The following CPOX variants were observed in gnomAD, a reference collection of about 807,000 sequenced individuals.
CPOX encodes the protein coproporphyrinogen oxidase.
Under a neutral mutation model 48.9 loss-of-function variants are expected in CPOX, and 24 were observed. The ratio of observed to expected loss-of-function variants is 0.49; its 90% CI spans 0.36 to 0.69. CPOX has a LOEUF of 0.69. CPOX is among the 30% of genes least tolerant of loss of function. The pLI is 0.00. For missense variants in CPOX, 549 were observed against 597.3 expected (o/e 0.92, Z 0.84); for synonymous variants, 249 against 234.6 (o/e 1.06, Z -0.56).
chr3:98,571,389 G>C, the CPOX span, among the ~76,000 whole-genome samples: 1 of 151,984 alleles, frequency 6.6e-6, no homozygotes, highest in African/African-American at 2.4e-5. Context: ...AATATTTAAG[G>C]CTTTAAGAAA....
chr3:98,583,501 T>C (rs1321441169), intron 5 of CPOX, among the ~76,000 whole-genome samples: 2 of 152,190 alleles, frequency 1.3e-5, no homozygotes, highest in African/African-American at 4.8e-5. Context: ...CTTTAACCAA[T>C]CCCTTCAATT....
intron 5 of CPOX, among the ~76,000 whole-genome samples, chr3:98,584,338 G>A (rs3804622): frequency 0.45 from 67,640 of 151,926 alleles, 16,322 homozygotes; most frequent in Middle Eastern, 0.54. Context: ...CAAGTGAAAG[G>A]AGGAAAGAGT....
downstream of CPOX, among the ~76,000 whole-genome samples, chr3:98,574,752 T>C (rs969161839): frequency 1.3e-5 from 2 of 152,196 alleles, no homozygotes; most frequent in African/African-American, 4.8e-5. Context: ...CTAATTTTTG[T>C]ATTTTTAGTA....
At chr3:98,592,614 T>C (rs1315928876) in intron 1 of CPOX, among the ~76,000 whole-genome samples, 1 of 152,162 alleles carries the variant, frequency 6.6e-6, no homozygotes, top group Non-Finnish European at 1.5e-5. Flanking sequence ...CCATAATCTA[T>C]TGAAATTTAT....
chr3:98,585,298 CTT>C (rs1027243607), intron 5 of CPOX, 141 bp downstream of exon 5: 2 of 753,500 alleles, frequency 2.7e-6, no homozygotes, highest in African/African-American at 1.7e-5. Context: ...TACACAATGT[CTT>C]TTAATTCACT....
chr3:98,574,527 T>C (rs1026429524), downstream of CPOX, among the ~76,000 whole-genome samples: 12 of 152,360 alleles, frequency 7.9e-5, no homozygotes, highest in African/African-American at 2.9e-4. Context: ...TAAGATCAAG[T>C]ACACATTAAA....
chr3:98,582,382 T>A (rs1707274113), intron 5 of CPOX, among the ~76,000 whole-genome samples: 1 of 152,226 alleles, frequency 6.6e-6, no homozygotes, highest in African/African-American at 2.4e-5. Context: ...TATTCAGAAA[T>A]TACTCCCTTG....
At position 98,592,316 on chromosome 3, in the gene CPOX, G is replaced by C. The variant is rs1707495774; in HGVS notation, c.556+633C>G. 2.0e-5 allele frequency among the ~76,000 whole-genome samples: 3 copies of C among 152,100 alleles called. No individual in the cohort carries two copies. In the East Asian group the frequency reaches 5.8e-4, roughly 29 times the overall value. On this transcript the variant is annotated intron_variant, in intron 1 of 6. Coordinates refer to ENST00000647941, the MANE Select transcript of CPOX (RefSeq NM_000097.7). ...GGTTTCACTGTATGGGCAACAACAT[G>C]GTCATGAATGTACGCCTCTACGAGA...
intron 6 of CPOX, among the ~76,000 whole-genome samples, 175 bp downstream of exon 6, chr3:98,581,232 C>G (rs1394800024): frequency 1.3e-5 from 2 of 152,058 alleles, no homozygotes; most frequent in Non-Finnish European, 2.9e-5. Flanking sequence ...ACCATGTCAC[C>G]GCTTAAAATA....
intron 6 of CPOX, 73 bp downstream of exon 6, chr3:98,581,334 T>C (rs1707254762): frequency 9.2e-7 from 1 of 1,092,138 alleles, no homozygotes; most frequent in Non-Finnish European, 1.4e-6. Context: ...TCTGCAGTGT[T>C]AACTTTCATA....
chr3:98,578,429 T>C (rs569109653), downstream of CPOX, among the ~76,000 whole-genome samples: 1 of 152,346 alleles, frequency 6.6e-6, no homozygotes, highest in East Asian at 1.9e-4. Flanking sequence ...TGTTCCTATA[T>C]GCCTATATTT....
Position 98,579,620 on chromosome 3 carries a change from A to G in CPOX, c.*1063T>C, listed in dbSNP as rs1707213547. 2.0e-6 allele frequency: 2 copies of G among 983,200 alleles called. No homozygotes were observed. Among genetic ancestry groups the G allele is most frequent in the Non-Finnish European group, 2.4e-6 (2 of 827,974 alleles). 60.9% of individuals were successfully genotyped at this position (983,200 alleles called of 1,614,324 possible). On this transcript the variant is annotated 3_prime_UTR_variant, in exon 7 of 7. Transcript: ENST00000647941. The stretch of plus-strand genomic sequence containing the variant: ...TAAACTTTATTACGAAGCAAATAAA[A>G]TAATACATTCATAATATATGAACAA...
At chr3:98,579,435 A>T (rs1243091731), downstream of CPOX, 1 of 692,626 alleles carries the variant, frequency 1.4e-6, no homozygotes, top group Non-Finnish European at 1.8e-6. Context: ...AACAAAAAAT[A>T]TAAATATTTC....
chr3:98,592,916 T>G, intron 1 of CPOX, 33 bp downstream of exon 1: 2 of 1,594,318 alleles, frequency 1.3e-6, no homozygotes, highest in South Asian at 2.3e-5. Context: ...TTTTTCCCTG[T>G]CTCCAACTCC....
chr3:98,579,567 AATGATATGT>A lies in CPOX; in HGVS notation c.*1107_*1115del. On this transcript the variant is annotated 3_prime_UTR_variant, in exon 7 of 7. Coordinates refer to ENST00000647941, the MANE Select transcript of CPOX (RefSeq NM_000097.7). ...ACAAACATTCAACGTGTTCCACGAT[AATGATATGT>A]ATGAGATGCTCTTCCTTATAAACTT... The A allele has an allele frequency of 1.0e-6, 1 of 985,462 alleles. No homozygotes were observed. The highest frequency in any genetic ancestry group is 1.2e-6 in the Non-Finnish European group (1 of 829,904). 61.0% of individuals were successfully genotyped at this position (985,462 alleles called of 1,614,324 possible). A position where few individuals can be genotyped will look rare whatever the true frequency, so the allele number is the denominator to read the frequency against.
chr3:98,582,876 T>G (rs974370307), intron 5 of CPOX, among the ~76,000 whole-genome samples: 8 of 152,226 alleles, frequency 5.3e-5, no homozygotes, highest in African/African-American at 1.9e-4. Flanking sequence ...TTATCTATGC[T>G]CCCTTTCTAA....
chr3:98,588,196 T>C (rs1707403326), intron 4 of CPOX, among the ~76,000 whole-genome samples: 1 of 151,454 alleles, frequency 6.6e-6, no homozygotes, highest in South Asian at 2.1e-4. Context: ...TTCCATTTGA[T>C]GATAACAAAT....
chr3:98,591,992 GATAT>G (rs10535616), intron 1 of CPOX, among the ~76,000 whole-genome samples: 104,118 of 147,940 alleles, frequency 0.7, 36,603 homozygotes, highest in East Asian at 0.76. Flanking sequence ...TATGTATATG[GATAT>G]ATATATATAT....
the CPOX span, among the ~76,000 whole-genome samples, chr3:98,572,059 A>G: frequency 6.6e-6 from 1 of 152,226 alleles, no homozygotes; most frequent in Non-Finnish European, 1.5e-5. Flanking sequence ...CAAAATATAT[A>G]TAAGTTAGAG....
Sources: gnomAD v4.1 joint callset for allele counts (sites outside exome capture counted in the v4.1 genomes callset) on GRCh38, gnomAD v4.1.1 for gene constraint, MANE v1.5 for transcripts, NCBI Gene and HGNC (gene_info 2026-07-23, HGNC 2026-07-21) for gene names.